Variants in MYO1E observed in about 807,000 individuals in gnomAD.
MYO1E encodes myosin IE, also known as unconventional myosin-Ie.
In MYO1E, 68 loss-of-function variants were observed where a neutral mutation model predicts 151.1. The observed-to-expected ratio is 0.45, with a 90% CI of 0.37 to 0.55. The LOEUF (loss-of-function observed/expected upper bound fraction) is 0.55. Among genes scored for constraint, MYO1E ranks in the 20% least tolerant of loss-of-function variants. The pLI is 0.00. For synonymous variants in MYO1E, 601 were observed against 501.7 expected (o/e 1.20, Z -2.64); for missense variants, 1,363 against 1,389.3 (o/e 0.98, Z 0.30).
chr15:59,233,661 T>TA (rs11285934), intron 5 of MYO1E, among the ~76,000 whole-genome samples: 962 of 78,326 alleles, frequency 0.012, 27 homozygotes, highest in African/African-American at 0.034. Context: ...AGACTCCGTC[T>TA]AAAAAAAAAA....
intron 2 of MYO1E, chr15:59,272,096 G>C: frequency 1.8e-6 from 1 of 558,448 alleles, no homozygotes; most frequent in Non-Finnish European, 3.2e-6. Context: ...CTCAAGCCAG[G>C]AATAAAGCCA....
intron 7 of MYO1E, among the ~76,000 whole-genome samples, chr15:59,225,069 C>T (rs2079981207): frequency 6.6e-6 from 1 of 152,218 alleles, no homozygotes; most frequent in South Asian, 2.1e-4. Flanking sequence ...AACTGGACTG[C>T]CACCCTCGGA....
At chr15:59,178,773 C>T (rs2079640848) in intron 18 of MYO1E, among the ~76,000 whole-genome samples, 2 of 152,228 alleles carry the variant, frequency 1.3e-5, no homozygotes, top group African/African-American at 4.8e-5. Context: ...AGCATTCCCA[C>T]GTCAACACCC....
chr15:59,371,407 G>A (rs1330033958), intron 1 of MYO1E, among the ~76,000 whole-genome samples: 1 of 151,072 alleles, frequency 6.6e-6, no homozygotes, highest in African/African-American at 2.4e-5. Context: ...AAAGAAGCAA[G>A]TGTGGAAACT....
intron 16 of MYO1E, among the ~76,000 whole-genome samples, chr15:59,199,061 C>T (rs544260085): frequency 6.6e-6 from 1 of 152,018 alleles, no homozygotes. Flanking sequence ...GGAAGTGTTT[C>T]GGATTTTGGA....
At chr15:59,279,186 G>A (rs890569728) in intron 1 of MYO1E, among the ~76,000 whole-genome samples, 5 of 152,066 alleles carry the variant, frequency 3.3e-5, no homozygotes, top group African/African-American at 1.2e-4. Context: ...CGATACCAAA[G>A]CTCACTTCCA....
intron 25 of MYO1E, among the ~76,000 whole-genome samples, chr15:59,154,304 G>A (rs2079498381): frequency 6.6e-6 from 1 of 152,106 alleles, no homozygotes; most frequent in African/African-American, 2.4e-5. Flanking sequence ...AGCCTGCTGT[G>A]TGAGGCAGAG....
At chr15:59,214,774 G>T in intron 10 of MYO1E, 54 bp from the exon 11 acceptor site, 1 of 1,391,810 alleles carries the variant, frequency 7.2e-7, no homozygotes, top group Non-Finnish European at 1.0e-6. Flanking sequence ...TACTAAAAAC[G>T]GGCATGCACT....
intron 22 of MYO1E, among the ~76,000 whole-genome samples, chr15:59,169,638 G>A (rs2079580591): frequency 6.6e-6 from 1 of 151,942 alleles, no homozygotes. Flanking sequence ...AAAAAGGAAA[G>A]ACCGCAAGAA....
chr15:59,144,384 G>A (rs1258409653), intron 26 of MYO1E, among the ~76,000 whole-genome samples: 1 of 151,864 alleles, frequency 6.6e-6, no homozygotes, highest in Non-Finnish European at 1.5e-5. Context: ...CTAGGCTGGT[G>A]TTGAACTCCT....
chr15:59,302,067 G>C (rs552296157), intron 1 of MYO1E, among the ~76,000 whole-genome samples: 1 of 152,164 alleles, frequency 6.6e-6, no homozygotes, highest in Non-Finnish European at 1.5e-5. Flanking sequence ...GCCTCTGTTG[G>C]AGGTAATAAG....
At position 59,133,321 on chromosome 15, in the gene MYO1E, A is replaced by C. The variant is rs1187909135; in HGVS notation, c.*4059T>G. On this transcript the variant is annotated 3_prime_UTR_variant, in exon 28 of 28. Transcript: ENST00000288235. ...CTGGAGTTTGAGACTGCAGTAAGGC[A>C]TGATCGCACCACTGTTCTCTAGTCT... 3.9e-5 allele frequency: 6 copies of C among 152,198 alleles called. No individual in the cohort carries two copies. The highest frequency in any genetic ancestry group is 7.3e-5 in the Non-Finnish European group (5 of 68,066). 9.4% of individuals were successfully genotyped at this position (152,198 alleles called of 1,614,324 possible).
intron 4 of MYO1E, among the ~76,000 whole-genome samples, chr15:59,245,941 C>T (rs2080126932): frequency 6.6e-6 from 1 of 152,136 alleles, no homozygotes; most frequent in Non-Finnish European, 1.5e-5. Flanking sequence ...GCAGAGATGT[C>T]TCTTGACATC....
At chr15:59,190,739 G>C (rs541493021) in intron 17 of MYO1E, among the ~76,000 whole-genome samples, 1 of 152,316 alleles carries the variant, frequency 6.6e-6, no homozygotes, top group Non-Finnish European at 1.5e-5. Flanking sequence ...ACTTTCTATG[G>C]AAAGCACTTA....
chr15:59,172,177 T>C (rs2079599531), intron 21 of MYO1E, 135 bp from the exon 22 acceptor site: 2 of 965,632 alleles, frequency 2.1e-6, no homozygotes, highest in Admixed American at 4.1e-5. Flanking sequence ...ACCAACATGG[T>C]GAAACCCCGT....
At chr15:59,247,348 G>C (rs2080136591) in intron 4 of MYO1E, among the ~76,000 whole-genome samples, 1 of 152,092 alleles carries the variant, frequency 6.6e-6, no homozygotes, top group African/African-American at 2.4e-5. Flanking sequence ...TTAAAATATG[G>C]GAAATTTGAG....
chr15:59,152,805 A>T (rs2079489510), intron 26 of MYO1E, among the ~76,000 whole-genome samples: 1 of 151,804 alleles, frequency 6.6e-6, no homozygotes, highest in Non-Finnish European at 1.5e-5. Flanking sequence ...TACTCTGAAC[A>T]CTCCTGCCTG....
At chr15:59,224,890 C>T in intron 7 of MYO1E, 67 bp from the exon 8 acceptor site, 2 of 1,600,740 alleles carry the variant, frequency 1.2e-6, no homozygotes, top group Non-Finnish European at 1.7e-6. Flanking sequence ...ACTCCTGCAT[C>T]CTGCAGCCAC....
At chr15:59,243,304 T>C (rs901076069) in intron 4 of MYO1E, among the ~76,000 whole-genome samples, 10 of 152,124 alleles carry the variant, frequency 6.6e-5, no homozygotes, top group Non-Finnish European at 1.3e-4. Flanking sequence ...CAAAGGAGGC[T>C]TGAAAGGAAC....
Sources: gnomAD v4.1 joint callset for allele counts (sites outside exome capture counted in the v4.1 genomes callset) on GRCh38, gnomAD v4.1.1 for gene constraint, MANE v1.5 for transcripts, NCBI Gene and HGNC (gene_info 2026-07-23, HGNC 2026-07-21) for gene names.